SPAG16: variants seen among roughly 807,000 people sequenced by gnomAD.
SPAG16 encodes sperm-associated antigen 16 protein.
SPAG16 carries 86 observed loss-of-function variants against 80.4 expected under a neutral mutation model. That is an observed-to-expected ratio of 1.07 (90% CI 0.90 to 1.28). The LOEUF (loss-of-function observed/expected upper bound fraction) is 1.28, where lower values mean the gene tolerates loss of function less well. SPAG16 is among the 50% of genes most tolerant of loss of function. The pLI is 0.00. For synonymous variants in SPAG16, 294 were observed against 265.9 expected, an observed-to-expected ratio of 1.11 and a Z score of -1.03; for missense variants, 870 against 765.3, an observed-to-expected ratio of 1.14 and a Z score of -1.61.
At chr2:214,366,768 A>G (rs1177718797) in intron 15 of SPAG16, among the ~76,000 whole-genome samples, 1 of 152,172 alleles carries the variant, frequency 6.6e-6, no homozygotes, top group Non-Finnish European at 1.5e-5. Flanking sequence ...AAAGTAATGG[A>G]ATTAAATGCC....
intron 10 of SPAG16, among the ~76,000 whole-genome samples, chr2:213,746,937 CCTT>C (rs1424324797): frequency 6.6e-6 from 1 of 152,114 alleles, no homozygotes. Flanking sequence ...AGAGTGTACT[CCTT>C]CTACTTATCA....
At chr2:214,231,375 AAGT>A (rs1688690953) in intron 15 of SPAG16, among the ~76,000 whole-genome samples, 1 of 152,020 alleles carries the variant, frequency 6.6e-6, no homozygotes, top group African/African-American at 2.4e-5. Flanking sequence ...GTCAGATATG[AAGT>A]AGTATTTATT....
At chr2:213,489,825 A>C (rs1227733961) in intron 9 of SPAG16, 138 bp from the exon 10 acceptor site, 2 of 599,884 alleles carry the variant, frequency 3.3e-6, no homozygotes, top group Non-Finnish European at 5.1e-6. Flanking sequence ...CTCAAAACTA[A>C]AATTGGAAAT....
intron 15 of SPAG16, among the ~76,000 whole-genome samples, chr2:214,368,670 C>A (rs1357095546): frequency 6.6e-6 from 1 of 152,030 alleles, no homozygotes; most frequent in Non-Finnish European, 1.5e-5. Flanking sequence ...TCCACTATTA[C>A]TATTATCCTG....
At chr2:214,092,001 G>A (rs150675142) in intron 13 of SPAG16, among the ~76,000 whole-genome samples, 1 of 152,150 alleles carries the variant, frequency 6.6e-6, no homozygotes, top group Non-Finnish European at 1.5e-5. Flanking sequence ...ACCTACTTCT[G>A]TGCATTTTGC....
chr2:213,383,815 A>C (rs1280506437), intron 9 of SPAG16, among the ~76,000 whole-genome samples: 1 of 152,204 alleles, frequency 6.6e-6, no homozygotes, highest in African/African-American at 2.4e-5. Context: ...GATGTTCTAT[A>C]ATATTTCTAG....
intron 12 of SPAG16, among the ~76,000 whole-genome samples, chr2:213,949,179 T>TTTTTGTTTGTTTTTTTTTTTTTTG (rs1553677656): frequency 2.8e-5 from 1 of 36,244 alleles, no homozygotes; most frequent in Admixed American, 4.8e-4. Flanking sequence ...GTTTTTTTTT[T>TTTTTGTTTGTTTTTTTTTTTTTTG]TTTTTTTTTT....
At chr2:214,027,539 A>C (rs938783752) in intron 13 of SPAG16, among the ~76,000 whole-genome samples, 1 of 151,802 alleles carries the variant, frequency 6.6e-6, no homozygotes, top group Non-Finnish European at 1.5e-5. Flanking sequence ...ATTTTTAAAA[A>C]GCATTTAAAT....
chr2:213,953,378 A>G (rs2043954420), intron 12 of SPAG16, among the ~76,000 whole-genome samples: 1 of 151,896 alleles, frequency 6.6e-6, no homozygotes, highest in South Asian at 2.1e-4. Flanking sequence ...GGGGCCATTT[A>G]GGAAAAGGAG....
rs545920639 is a variant in SPAG16, at chr2:214,052,826, C to T, written c.1527+38749C>T. On this transcript the variant is annotated intron_variant, in intron 13 of 15. Transcript: ENST00000331683. ...AAAATGAATATTAACTAAAAAGAGACGAAAAAAGGGAAACTTCATAACTTA... is the reference window on the plus strand; with the variant it reads ...AAAATGAATATTAACTAAAAAGAGATGAAAAAAGGGAAACTTCATAACTTA... 2.6e-4 allele frequency among the ~76,000 whole-genome samples: 39 copies of T among 151,978 alleles called. 2 individuals are homozygous for T. The South Asian group carries it at 3.5e-3, about 14-fold the overall frequency.
chr2:213,761,948 G>A (rs1364969756), intron 10 of SPAG16, among the ~76,000 whole-genome samples: 1 of 151,974 alleles, frequency 6.6e-6, no homozygotes, highest in Non-Finnish European at 1.5e-5. Flanking sequence ...AGGCAAAAAT[G>A]CTCAAAAAAT....
At chr2:213,939,443 C>A (rs892925008) in intron 12 of SPAG16, among the ~76,000 whole-genome samples, 1 of 152,174 alleles carries the variant, frequency 6.6e-6, no homozygotes, top group Non-Finnish European at 1.5e-5. Flanking sequence ...CTGAGAGTGA[C>A]TGTCTTTCTC....
At chr2:214,067,857 T>C (rs2050604854) in intron 13 of SPAG16, among the ~76,000 whole-genome samples, 1 of 152,270 alleles carries the variant, frequency 6.6e-6, no homozygotes, top group East Asian at 1.9e-4. Context: ...TCTGACACCA[T>C]GTTAGCTGTA....
intron 15 of SPAG16, among the ~76,000 whole-genome samples, chr2:214,203,299 G>C (rs181412002): frequency 6.6e-6 from 1 of 152,074 alleles, no homozygotes; most frequent in Non-Finnish European, 1.5e-5. Context: ...AGTTGAAGGG[G>C]GGAAATGGCA....
chr2:214,390,346 A>ATTTTTTT (rs1251825332), intron 15 of SPAG16, among the ~76,000 whole-genome samples: 34 of 142,070 alleles, frequency 2.4e-4, no homozygotes, highest in African/African-American at 8.5e-4. Context: ...TTTTTTAAAA[A>ATTTTTTT]AAAAAAAAAA....
At chr2:213,321,599 GA>G (rs1165385817) in intron 5 of SPAG16, among the ~76,000 whole-genome samples, 2 of 152,044 alleles carry the variant, frequency 1.3e-5, no homozygotes, top group African/African-American at 4.8e-5. Flanking sequence ...GAAATGAAAG[GA>G]GAAAATATTT....
At chr2:214,247,459 TC>T (rs1689929948) in intron 15 of SPAG16, among the ~76,000 whole-genome samples, 1 of 152,092 alleles carries the variant, frequency 6.6e-6, no homozygotes, top group African/African-American at 2.4e-5. Context: ...CTAAATATTG[TC>T]CCCATAGTAG....
chr2:213,574,263 C>T (rs1411532180), intron 10 of SPAG16, among the ~76,000 whole-genome samples: 1 of 152,070 alleles, frequency 6.6e-6, no homozygotes, highest in Non-Finnish European at 1.5e-5. Context: ...ATTTTTGCCC[C>T]ATTACTTTCC....
At chr2:213,513,687 G>A (rs1559208947) in intron 10 of SPAG16, among the ~76,000 whole-genome samples, 1 of 152,190 alleles carries the variant, frequency 6.6e-6, no homozygotes, top group Non-Finnish European at 1.5e-5. Flanking sequence ...GACAATGTGT[G>A]CTAAAGTTAA....
Sources: gnomAD v4.1 joint callset for allele counts (sites outside exome capture counted in the v4.1 genomes callset) on GRCh38, gnomAD v4.1.1 for gene constraint, MANE v1.5 for transcripts, NCBI Gene and HGNC (gene_info 2026-07-23, HGNC 2026-07-21) for gene names.